SLC35G2: variants seen among roughly 807,000 people sequenced by gnomAD.
SLC35G2 encodes transmembrane protein 22.
In SLC35G2, 20 loss-of-function variants were observed where a neutral mutation model predicts 27.2. The ratio of observed to expected loss-of-function variants is 0.74; its 90% CI spans 0.52 to 1.07. The LOEUF is 1.07. Ranked by LOEUF, SLC35G2 falls within the 50% of genes least tolerant of loss-of-function variation. SLC35G2 has a pLI of 0.00. For synonymous variants in SLC35G2, 148 were observed against 165.3 expected (o/e 0.90, Z 0.80); for missense variants, 416 against 493.3 (o/e 0.84, Z 1.48).
intron 1 of SLC35G2, among the ~76,000 whole-genome samples, chr3:136,821,798 A>G (rs1222318549): frequency 6.6e-6 from 1 of 152,184 alleles, no homozygotes; most frequent in African/African-American, 2.4e-5. Context: ...GATAGGTGCA[A>G]TGCTGTATAG....
rs746925998 is a variant in SLC35G2, at chr3:136,854,543, C to G, written c.83C>G (p.Ser28Cys). Residue 28 changes from serine (S) to cysteine (C), a missense_variant, in exon 2 of 2, where the codon TCT (serine) becomes TGT (cysteine). By Grantham distance (112) the Ser-to-Cys change is moderately radical. Coordinates refer to ENST00000446465, the MANE Select transcript of SLC35G2 (RefSeq NM_025246.3). Reference sequence around the variant, plus strand: ...AACACAGTGATGGTGAAATATACTTCTCATTATCCCCAGCCTGGCGATGAT... The same window carrying G: ...AACACAGTGATGGTGAAATATACTTGTCATTATCCCCAGCCTGGCGATGAT... ...HPNTVMVKYT[S>C]HYPQPGDDGY... The G allele has an allele frequency of 6.2e-7, 1 of 1,610,472 alleles. No individual in the cohort carries two copies.
chr3:136,844,918 G>A (rs1475761273), intron 1 of SLC35G2, among the ~76,000 whole-genome samples: 1 of 150,534 alleles, frequency 6.6e-6, no homozygotes, highest in Non-Finnish European at 1.5e-5. Flanking sequence ...TCCTGTGATT[G>A]TTATGAACCT....
At chr3:136,853,082 T>C (rs903817262) in intron 1 of SLC35G2, among the ~76,000 whole-genome samples, 1 of 152,070 alleles carries the variant, frequency 6.6e-6, no homozygotes, top group Non-Finnish European at 1.5e-5. Flanking sequence ...TGACATTATA[T>C]AGTGGACATC....
At chr3:136,829,408 G>A (rs1936668695) in intron 1 of SLC35G2, among the ~76,000 whole-genome samples, 1 of 152,110 alleles carries the variant, frequency 6.6e-6, no homozygotes, top group Non-Finnish European at 1.5e-5. Flanking sequence ...TTTTTGTAGA[G>A]ACGGGGTTTC....
At chr3:136,845,722 A>G (rs905181259) in intron 1 of SLC35G2, among the ~76,000 whole-genome samples, 3 of 151,656 alleles carry the variant, frequency 2.0e-5, no homozygotes, top group African/African-American at 4.8e-5. Flanking sequence ...CAGCCTTCCA[A>G]TTAGGTGGGA....
Position 136,854,468 on chromosome 3 carries a change from C to T in SLC35G2, c.8C>T (p.Thr3Ile). ...AATTGATTATCTGAAGAAATGGATA[C>T]TTCTCCCTCCAGAAAATATCCAGTT... MDTSPSRKYPVKK... is the reference protein window; with the variant it reads MDISPSRKYPVKK... The change falls in exon 2 of 2, where the codon ACT (threonine) becomes ATT (isoleucine). Residue 3 changes from threonine (T) to isoleucine (I), a missense_variant. Transcript: ENST00000446465. 1.3e-6 allele frequency: 2 copies of T among 1,573,270 alleles called. No individual in the cohort carries two copies. The highest frequency in any genetic ancestry group is 1.7e-6 in the Non-Finnish European group (2 of 1,159,478).
intron 1 of SLC35G2, among the ~76,000 whole-genome samples, chr3:136,832,954 A>C (rs1413839982): frequency 6.6e-6 from 1 of 152,062 alleles, no homozygotes; most frequent in East Asian, 1.9e-4. Context: ...CTGTAGTCCC[A>C]GCTACTTGGG....
Position 136,854,539 on chromosome 3 carries a change from A to C in SLC35G2, c.79A>C (p.Thr27Pro). The C allele has an allele frequency of 6.2e-7, 1 of 1,610,438 alleles. No individual in the cohort carries two copies. The highest frequency in any genetic ancestry group is 8.5e-7 in the Non-Finnish European group (1 of 1,179,020). ...IHPNTVMVKY[T>P]SHYPQPGDDG... ...TCCCAACACAGTGATGGTGAAATAT[A>C]CTTCTCATTATCCCCAGCCTGGCGA... is the stretch of plus-strand genomic sequence containing the variant. The change falls in exon 2 of 2, where the codon ACT (threonine) becomes CCT (proline). Residue 27 changes from threonine (T) to proline (P), a missense_variant. Physicochemically the swap from Thr to Pro is conservative, Grantham distance 38. Transcript: ENST00000446465.
Position 136,854,425 on chromosome 3 carries a change from A to T in SLC35G2, c.-18-18A>T, listed in dbSNP as rs940330494. The T allele has an allele frequency of 2.0e-6, 3 of 1,493,010 alleles. No individual in the cohort carries two copies. Among genetic ancestry groups the T allele is most frequent in the South Asian group, 1.3e-5 (1 of 78,414 alleles). 92.5% of individuals were successfully genotyped at this position (1,493,010 alleles called of 1,614,324 possible). On this transcript the variant is annotated intron_variant, in intron 1 of 1. Coordinates refer to ENST00000446465, the MANE Select transcript of SLC35G2 (RefSeq NM_025246.3). The stretch of plus-strand genomic sequence containing the variant: ...CAATGAAATGAATGTCTTTTTGTCA[A>T]TTTTTTTCTTTAAATAGAATTGATT...
intron 1 of SLC35G2, chr3:136,837,562 G>T (rs1936909081): frequency 6.6e-6 from 1 of 152,108 alleles, no homozygotes; most frequent in South Asian, 2.1e-4. Flanking sequence ...TCAGCAATAT[G>T]ACATGAGGGT....
At chr3:136,836,382 C>T (rs1476383958) in intron 1 of SLC35G2, among the ~76,000 whole-genome samples, 1 of 145,110 alleles carries the variant, frequency 6.9e-6, no homozygotes, top group Non-Finnish European at 1.5e-5. Context: ...AGGCCACCTC[C>T]TTGGCCCCAA....
At chr3:136,839,759 C>T (rs1324938629) in intron 1 of SLC35G2, among the ~76,000 whole-genome samples, 2 of 152,174 alleles carry the variant, frequency 1.3e-5, no homozygotes, top group African/African-American at 4.8e-5. Context: ...CTGATAAGCC[C>T]CTGACTATTC....
At chr3:136,844,141 G>A (rs991824927) in intron 1 of SLC35G2, among the ~76,000 whole-genome samples, 3 of 152,072 alleles carry the variant, frequency 2.0e-5, no homozygotes, top group East Asian at 1.9e-4. Flanking sequence ...GCAGTGAGCC[G>A]AGATTTCGCC....
intron 1 of SLC35G2, among the ~76,000 whole-genome samples, chr3:136,823,531 T>C (rs970640569): frequency 6.6e-6 from 1 of 152,212 alleles, no homozygotes; most frequent in Non-Finnish European, 1.5e-5. Context: ...TGAAGTAGTT[T>C]TATAGTTCGA....
chr3:136,844,316 T>C (rs945630461), intron 1 of SLC35G2, among the ~76,000 whole-genome samples: 3 of 151,548 alleles, frequency 2.0e-5, no homozygotes, highest in African/African-American at 7.3e-5. Flanking sequence ...AGTGAAACCC[T>C]GTCTCTACTA....
intron 1 of SLC35G2, among the ~76,000 whole-genome samples, chr3:136,851,330 TA>T (rs924430015): frequency 2.0e-5 from 3 of 150,124 alleles, no homozygotes; most frequent in Non-Finnish European, 3.0e-5. Context: ...CTGTCTCCAC[TA>T]AAAAAAATAC....
chr3:136,835,220 T>TA (rs1187223058), intron 1 of SLC35G2, among the ~76,000 whole-genome samples: 1 of 152,234 alleles, frequency 6.6e-6, no homozygotes, highest in African/African-American at 2.4e-5. Context: ...ATTTAGTTGT[T>TA]ATGTCTCTTT....
At chr3:136,845,021 T>A (rs994374955) in intron 1 of SLC35G2, among the ~76,000 whole-genome samples, 4 of 152,158 alleles carry the variant, frequency 2.6e-5, no homozygotes, top group Non-Finnish European at 4.4e-5. Context: ...GGTTCCATAT[T>A]AACTAGCCAT....
At chr3:136,824,824 T>A (rs529222677) in intron 1 of SLC35G2, among the ~76,000 whole-genome samples, 2 of 152,292 alleles carry the variant, frequency 1.3e-5, no homozygotes, top group South Asian at 4.1e-4. Context: ...TAGGTATACA[T>A]GTGCCATGTT....
Sources: gnomAD v4.1 joint callset for allele counts (sites outside exome capture counted in the v4.1 genomes callset) on GRCh38, gnomAD v4.1.1 for gene constraint, MANE v1.5 for transcripts, NCBI Gene and HGNC (gene_info 2026-07-23, HGNC 2026-07-21) for gene names.